SFMBT2: variants seen among roughly 807,000 people sequenced by gnomAD.
SFMBT2 encodes Scm like with four mbt domains 2, also known as scm-like with four MBT domains protein 2.
A neutral mutation model predicts 110.1 loss-of-function variants in SFMBT2; 38 were observed. That is an observed-to-expected ratio of 0.35 (90% CI 0.27 to 0.45). The LOEUF (loss-of-function observed/expected upper bound fraction) is 0.45. SFMBT2 is among the 20% of genes least tolerant of loss of function. The pLI is 1.00. For synonymous variants in SFMBT2, 425 were observed against 425.4 expected (o/e 1.00, Z 0.01); for missense variants, 1,011 against 1,094.9 (o/e 0.92, Z 1.08).
intron 9 of SFMBT2, among the ~76,000 whole-genome samples, chr10:7,228,720 TTTCTTTCTTTCTTTC>T (rs1839992099): frequency 7.9e-6 from 1 of 126,304 alleles, no homozygotes; most frequent in African/African-American, 3.5e-5. Context: ...TCTTTCTTTC[TTTCTTTCTTTCTTTC>T]CTTTCTCTCT....
At chr10:7,348,968 T>A (rs769091350) in intron 4 of SFMBT2, among the ~76,000 whole-genome samples, 1 of 152,124 alleles carries the variant, frequency 6.6e-6, no homozygotes, top group Non-Finnish European at 1.5e-5. Context: ...AAAAAGGACA[T>A]TTGGATGAGA....
intron 9 of SFMBT2, chr10:7,241,431 C>T: frequency 2.3e-5 from 16 of 709,038 alleles, no homozygotes; most frequent in Non-Finnish European, 2.8e-5. Flanking sequence ...CATATAATAT[C>T]CATGAAGAAA....
rs35816107 is a variant in SFMBT2 at position 7,376,727 on chromosome 10, C to CAAAAAAA, written c.100+5065_100+5071dup. On this transcript the variant is annotated intron_variant, in intron 2 of 20. Coordinates refer to ENST00000397167, the MANE Select transcript of SFMBT2 (RefSeq NM_001387889.1). The stretch of plus-strand genomic sequence containing the variant: ...AAAAAAAAAAAAAAAGGCCCTCCCA[C>CAAAAAAA]AAAAAAAAAAAAAAAAAAAAAAAAA... 9.2e-4 allele frequency among the ~76,000 whole-genome samples: 41 copies of CAAAAAAA among 44,736 alleles called. 1 individual carries two copies. Among genetic ancestry groups the CAAAAAAA allele is most frequent in the African/African-American group, 4.2e-3 (41 of 9,810 alleles). The allele number at this position is 44,736 out of a possible 152,430, so 29.3% of individuals were successfully genotyped here. A position where few individuals can be genotyped will look rare whatever the true frequency, so the allele number is the denominator to read the frequency against.
chr10:7,202,574 G>A (rs189063320), intron 12 of SFMBT2, 52 bp from the exon 13 acceptor site: 259 of 1,613,834 alleles, frequency 1.6e-4, no homozygotes, highest in Middle Eastern at 9.9e-4. Context: ...AGTGGGGCAA[G>A]TCCATTTTTA....
chr10:7,327,330 C>A (rs897446344), intron 4 of SFMBT2, among the ~76,000 whole-genome samples: 1 of 151,696 alleles, frequency 6.6e-6, no homozygotes, highest in Admixed American at 6.6e-5. Context: ...TTCATCACCC[C>A]GAAAAAAAAA....
chr10:7,379,756 C>A (rs1179379080), intron 2 of SFMBT2, among the ~76,000 whole-genome samples: 2 of 152,308 alleles, frequency 1.3e-5, no homozygotes, highest in East Asian at 3.9e-4. Context: ...ATCCCCGATG[C>A]AAGAGCAAGG....
intron 4 of SFMBT2, among the ~76,000 whole-genome samples, chr10:7,346,955 G>T (rs1023011961): frequency 6.6e-6 from 1 of 151,916 alleles, no homozygotes; most frequent in Non-Finnish European, 1.5e-5. Context: ...GTGCCACTGC[G>T]CTCCAGCCTG....
chr10:7,168,167 C>T (rs1837752875), intron 20 of SFMBT2, among the ~76,000 whole-genome samples: 1 of 152,166 alleles, frequency 6.6e-6, no homozygotes, highest in South Asian at 2.1e-4. Flanking sequence ...AAACTTTTCT[C>T]TGGTGTTATC....
At chr10:7,241,588 T>C (rs899881705) in intron 9 of SFMBT2, among the ~76,000 whole-genome samples, 1 of 152,164 alleles carries the variant, frequency 6.6e-6, no homozygotes, top group Admixed American at 6.5e-5. Flanking sequence ...AAATATTATG[T>C]ATAAAAAGCT....
intron 14 of SFMBT2, chr10:7,198,019 T>C: frequency 1.0e-6 from 1 of 985,454 alleles, no homozygotes; most frequent in South Asian, 4.7e-5. Context: ...TAATGATACC[T>C]TGGAAATTCT....
intron 4 of SFMBT2, among the ~76,000 whole-genome samples, chr10:7,315,246 C>T (rs1360491868): frequency 2.0e-5 from 3 of 152,140 alleles, no homozygotes; most frequent in African/African-American, 7.2e-5. Flanking sequence ...CTGGGTGTTT[C>T]TTGGGGTGTT....
At chr10:7,281,418 T>C (rs919228074) in intron 6 of SFMBT2, among the ~76,000 whole-genome samples, 3 of 152,140 alleles carry the variant, frequency 2.0e-5, no homozygotes, top group African/African-American at 7.2e-5. Context: ...CCATCGGTCA[T>C]GGAAGCAGAA....
rs1564364221 is a variant in SFMBT2, at chr10:7,170,693, GCCC to G, written c.2544+232_2544+234del. 2.0e-5 allele frequency among the ~76,000 whole-genome samples: 3 copies of G among 151,940 alleles called. No individual in the cohort carries two copies. The highest frequency in any genetic ancestry group is 7.3e-5 in the African/African-American group (3 of 41,360). Reference sequence around the variant, plus strand: ...TAGAGCCTGGAAGAGTCACCCCTCCGCCCCCCACCATGGCACTGGTGGGGCCTG... The same window carrying G: ...TAGAGCCTGGAAGAGTCACCCCTCCGCCCACCATGGCACTGGTGGGGCCTG... On this transcript the variant is annotated intron_variant, in intron 20 of 20. Coordinates refer to ENST00000397167, the MANE Select transcript of SFMBT2 (RefSeq NM_001387889.1). The surrounding 1 kb of genome is among the most constrained non-coding windows in gnomAD (Gnocchi z 4.6).
chr10:7,210,683 C>T lies in SFMBT2; in HGVS notation c.1331-4755G>A, dbSNP rs568203609. 1.6e-4 allele frequency among the ~76,000 whole-genome samples: 25 copies of T among 152,338 alleles called. 1 individual carries two copies. Among genetic ancestry groups the T allele is most frequent in the African/African-American group, 5.8e-4 (24 of 41,562 alleles). On this transcript the variant is annotated intron_variant, in intron 11 of 20. Transcript: ENST00000397167. ...AGAATGCAAAGCCGGTGTGAGTGCC[C>T]GCAAGCAAGACCTGGACGCTGGAAG...
intron 4 of SFMBT2, among the ~76,000 whole-genome samples, chr10:7,333,025 C>T (rs1047811782): frequency 6.6e-6 from 1 of 152,172 alleles, no homozygotes; most frequent in Non-Finnish European, 1.5e-5. Context: ...CACCACCACG[C>T]CCAGCTAATT....
intron 4 of SFMBT2, among the ~76,000 whole-genome samples, chr10:7,341,524 GAGGAGATAGA>G (rs1406906725): frequency 6.6e-6 from 1 of 152,182 alleles, no homozygotes; most frequent in African/African-American, 2.4e-5. Context: ...ACAAATTTTT[GAGGAGATAGA>G]AGAAGATACA....
At chr10:7,407,106 G>A (rs551076642) in intron 1 of SFMBT2, among the ~76,000 whole-genome samples, 1 of 152,244 alleles carries the variant, frequency 6.6e-6, no homozygotes, top group South Asian at 2.1e-4. Context: ...AAGGGAGAAA[G>A]CAGAGTGTGT....
chr10:7,382,519 C>A (rs1845453042), intron 1 of SFMBT2, among the ~76,000 whole-genome samples: 1 of 152,176 alleles, frequency 6.6e-6, no homozygotes. Flanking sequence ...AGGTCATTAT[C>A]ACCACTAAGA....
At chr10:7,210,307 G>C (rs2497446) in intron 11 of SFMBT2, among the ~76,000 whole-genome samples, 62 of 152,102 alleles carry the variant, frequency 4.1e-4, no homozygotes, top group Admixed American at 3.1e-3. Flanking sequence ...TAGGAACACA[G>C]TTCTATCAAA....
Sources: gnomAD v4.1 joint callset for allele counts (sites outside exome capture counted in the v4.1 genomes callset) on GRCh38, gnomAD v4.1.1 for gene constraint, Gnocchi (gnomAD v3.1) non-coding constraint, MANE v1.5 for transcripts, NCBI Gene and HGNC (gene_info 2026-07-23, HGNC 2026-07-21) for gene names.